GRAMD1B: variants seen among roughly 807,000 people sequenced by gnomAD.
GRAMD1B encodes the protein GRAM domain containing 1B, also known as protein Aster-B.
GRAMD1B carries 37 observed loss-of-function variants against 99.7 expected under a neutral mutation model. The ratio of observed to expected loss-of-function variants is 0.37; its 90% confidence interval spans 0.29 to 0.49. The LOEUF (loss-of-function observed/expected upper bound fraction) is 0.49, where lower values mean the gene tolerates loss of function less well. Ranked by LOEUF, GRAMD1B falls within the 20% of genes least tolerant of loss-of-function variation. GRAMD1B has a pLI of 0.98. For missense variants in GRAMD1B, 888 were observed against 1,009.2 expected (o/e 0.88, Z 1.63); for synonymous variants, 427 against 387.6 (o/e 1.10, Z -1.19).
chr11:123,375,284 G>A (rs977707882), intron 1 of GRAMD1B, among the ~76,000 whole-genome samples: 7 of 152,078 alleles, frequency 4.6e-5, no homozygotes, highest in African/African-American at 1.4e-4. Context: ...ATCAACCAGC[G>A]TGGTGGCTCA....
intron 4 of GRAMD1B, among the ~76,000 whole-genome samples, chr11:123,592,435 T>C (rs1237421679): frequency 6.6e-6 from 1 of 152,156 alleles, no homozygotes; most frequent in Non-Finnish European, 1.5e-5. Context: ...ATAATAAAAA[T>C]AATCTGGGGT....
rs1955543966 is a variant in GRAMD1B at position 123,627,198 on chromosome 11, TA to T, written c.*4605del. 1 of 152,204 alleles carries T rather than the reference TA, an allele frequency of 6.6e-6. No individual in the cohort carries two copies. The highest frequency in any genetic ancestry group is 1.5e-5 in the Non-Finnish European group (1 of 68,030). The allele number at this position is 152,204 out of a possible 1,614,324, so 9.4% of individuals were successfully genotyped here. A position where few individuals can be genotyped will look rare whatever the true frequency, so the allele number is the denominator to read the frequency against. The stretch of plus-strand genomic sequence containing the variant: ...GCCCTCCTTGCTTCTCTCAATACAA[TA>T]AGACATTGCAGAAGCAAAAGGGTGG... On this transcript the variant is annotated 3_prime_UTR_variant, in exon 20 of 20. Coordinates refer to ENST00000635736, the MANE Select transcript of GRAMD1B (RefSeq NM_001387025.1).
chr11:123,526,667 G>A (rs1228212559), intron 2 of GRAMD1B, among the ~76,000 whole-genome samples: 2 of 152,088 alleles, frequency 1.3e-5, no homozygotes, highest in African/African-American at 4.8e-5. Flanking sequence ...CCTCTGAGGG[G>A]CCAGGCTCCA....
Position 123,510,481 on chromosome 11 carries a change from T to G in GRAMD1B, c.452+29588T>G, listed in dbSNP as rs576622204. The stretch of plus-strand genomic sequence containing the variant: ...CAGGAGACAGGGCCCCCCTGCTTGC[T>G]GTGGACCTCCAGACTCTGACCTCTT... On this transcript the variant is annotated intron_variant, in intron 2 of 19. Coordinates refer to ENST00000635736, the MANE Select transcript of GRAMD1B (RefSeq NM_001387025.1). This position sits in a 1 kb window ranked among gnomAD's most constrained non-coding sequence, Gnocchi z 4.3. 6.6e-6 allele frequency among the ~76,000 whole-genome samples: 1 copy of G among 152,256 alleles called. No individual in the cohort carries two copies. The highest frequency in any genetic ancestry group is 2.4e-5 in the African/African-American group (1 of 41,562).
intron 1 of GRAMD1B, among the ~76,000 whole-genome samples, chr11:123,395,819 GA>G (rs2135883591): frequency 6.6e-6 from 1 of 152,344 alleles, no homozygotes; most frequent in South Asian, 2.1e-4. Context: ...AGGTAATAAA[GA>G]GACCTAAGTT....
chr11:123,620,025 C>T (rs1298376610), intron 19 of GRAMD1B, among the ~76,000 whole-genome samples: 3 of 152,148 alleles, frequency 2.0e-5, no homozygotes, highest in South Asian at 2.1e-4. Context: ...ATTTTGTGAC[C>T]GTGAGCAAGG....
chr11:123,524,888 G>A (rs1942549689), intron 2 of GRAMD1B, among the ~76,000 whole-genome samples: 2 of 152,150 alleles, frequency 1.3e-5, no homozygotes, highest in Admixed American at 1.3e-4. Context: ...AGTAATGTAG[G>A]GAAAGATAGA....
intron 2 of GRAMD1B, among the ~76,000 whole-genome samples, chr11:123,506,546 T>C (rs1264454393): frequency 6.6e-6 from 1 of 152,118 alleles, no homozygotes; most frequent in African/African-American, 2.4e-5. Flanking sequence ...TGTATTTCCT[T>C]AAATATTAGG....
At chr11:123,576,343 G>A (rs967087043) in intron 2 of GRAMD1B, among the ~76,000 whole-genome samples, 5 of 152,294 alleles carry the variant, frequency 3.3e-5, no homozygotes, top group Admixed American at 1.3e-4. Context: ...CAGCAGCCCC[G>A]TGCAGGCTTT....
intron 10 of GRAMD1B, among the ~76,000 whole-genome samples, chr11:123,606,403 C>T (rs951356115): frequency 6.6e-5 from 10 of 152,298 alleles, no homozygotes; most frequent in Non-Finnish European, 1.2e-4. Flanking sequence ...GAATGGCGAG[C>T]GTGAGAAGTG....
intron 2 of GRAMD1B, among the ~76,000 whole-genome samples, chr11:123,506,495 G>A (rs571524360): frequency 1.3e-5 from 2 of 151,832 alleles, no homozygotes; most frequent in Admixed American, 1.3e-4. Flanking sequence ...AGAGATAATT[G>A]CCCTAGAGAG....
At chr11:123,523,600 T>C (rs1942406298) in intron 2 of GRAMD1B, among the ~76,000 whole-genome samples, 1 of 152,202 alleles carries the variant, frequency 6.6e-6, no homozygotes, top group African/African-American at 2.4e-5. Context: ...ATAATGTTTC[T>C]AATATAATAC....
At chr11:123,435,194 G>A (rs1205539759) in intron 1 of GRAMD1B, among the ~76,000 whole-genome samples, 1 of 152,106 alleles carries the variant, frequency 6.6e-6, no homozygotes, top group African/African-American at 2.4e-5. Flanking sequence ...CTCTGGCCTG[G>A]ATTAGGGAGG....
intron 2 of GRAMD1B, among the ~76,000 whole-genome samples, chr11:123,516,544 G>C (rs1413797157): frequency 1.3e-5 from 2 of 152,130 alleles, no homozygotes; most frequent in Non-Finnish European, 2.9e-5. Flanking sequence ...CTCCATAAAG[G>C]ATGATGACAA....
chr11:123,583,875 C>T (rs1277065861), intron 3 of GRAMD1B, among the ~76,000 whole-genome samples: 4 of 152,170 alleles, frequency 2.6e-5, no homozygotes, highest in African/African-American at 9.7e-5. Flanking sequence ...AGTCCCCTTT[C>T]TACCTCGAAA....
chr11:123,558,046 C>T (rs1276790208), intron 2 of GRAMD1B, among the ~76,000 whole-genome samples: 2 of 141,010 alleles, frequency 1.4e-5, no homozygotes, highest in African/African-American at 2.6e-5. Flanking sequence ...TGCAGTGGTG[C>T]GATCATGGCT....
chr11:123,372,484 A>C lies in GRAMD1B; in HGVS notation c.-176+13685A>C, dbSNP rs927501504. On this transcript the variant is annotated intron_variant, in intron 1 of 20. Transcript: ENST00000638157. ...CCTGATACAGAATTTAATGCTCTGC[A>C]GCTCTCTGGGGAGGAGCCCCACCCT... Among the ~76,000 whole-genome samples the C allele has an allele frequency of 1.1e-4, 17 of 152,322 alleles. No homozygotes were observed. The South Asian group carries it at 3.5e-3, about 32-fold the overall frequency.
At chr11:123,552,122 CTT>C (rs1945672643) in intron 2 of GRAMD1B, among the ~76,000 whole-genome samples, 1 of 152,060 alleles carries the variant, frequency 6.6e-6, no homozygotes, top group Non-Finnish European at 1.5e-5. Flanking sequence ...GAGAAGAACA[CTT>C]TTAGAGTCAG....
At position 123,519,782 on chromosome 11, in the gene GRAMD1B, G is replaced by A. The variant is rs574159960; in HGVS notation, c.452+38889G>A. ...GTTTATTTTCTGCTCCAGATAGGGA[G>A]CCAGAGGCTTGGAGTGGCTTACCCA... On this transcript the variant is annotated intron_variant, in intron 2 of 19. Coordinates refer to ENST00000635736, the MANE Select transcript of GRAMD1B (RefSeq NM_001387025.1). Among the ~76,000 whole-genome samples, 9 of 152,382 alleles carry A rather than the reference G, an allele frequency of 5.9e-5. No homozygotes were observed. In the East Asian group the frequency reaches 1.7e-3, roughly 29 times the overall value.
Sources: allele counts gnomAD v4.1 joint callset (sites outside exome capture counted in the v4.1 genomes callset), GRCh38; gene constraint gnomAD v4.1.1; non-coding constraint Gnocchi (gnomAD v3.1); transcripts MANE v1.5; gene names NCBI Gene and HGNC (gene_info 2026-07-23, HGNC 2026-07-21).